Variants in DIRAS1 observed in about 807,000 individuals in gnomAD.
DIRAS1 encodes the protein DIRAS family GTPase 1.
Under a neutral mutation model 11.5 loss-of-function variants are expected in DIRAS1, and 3 were observed. The observed-to-expected ratio is 0.26, with a 90% CI of 0.12 to 0.67. The LOEUF (loss-of-function observed/expected upper bound fraction) is 0.67. Ranked by LOEUF, DIRAS1 falls within the 30% of genes least tolerant of loss-of-function variation. DIRAS1 has a pLI of 0.80. For missense variants in DIRAS1, 212 were observed against 285.3 expected (o/e 0.74, Z 1.85); for synonymous variants, 128 against 125.8 (o/e 1.02, Z -0.12).
chr19:2,719,707 C>T (rs932513172), intron 1 of DIRAS1, among the ~76,000 whole-genome samples: 1 of 151,722 alleles, frequency 6.6e-6, no homozygotes, highest in Non-Finnish European at 1.5e-5. Context: ...AGAGGTTCCC[C>T]GGGGGTCAGT....
chr19:2,717,943 G>T, intron 1 of DIRAS1, 68 bp from the exon 2 acceptor site: 1 of 890,320 alleles, frequency 1.1e-6, no homozygotes, highest in Non-Finnish European at 1.7e-6. Context: ...ACGCCCCGGG[G>T]AGGGAGGAGG....
rs1431140990 is a variant in DIRAS1, at chr19:2,717,293, T to C, written c.514A>G (p.Asn172Asp). 3 of 1,612,470 alleles carry C rather than the reference T, an allele frequency of 1.9e-6. No homozygotes were observed. The highest frequency in any genetic ancestry group is 2.2e-5 in the East Asian group (1 of 44,844). ...QELLTLETRR[N>D]MSLNIDGKRS... ...TTGCCGTCGATGTTGAGGCTCATGT[T>C]CCGGCGCGTCTCCAGCGTCAGCAGC... is the stretch of plus-strand genomic sequence containing the variant. The change falls in exon 2 of 2, where the codon AAC becomes GAC. Residue 172 changes from asparagine to aspartate, a missense_variant. Around this residue, in one of 2 missense-constraint regions of DIRAS1, gnomAD observed 84 missense variants for 79.9 expected, o/e 1.05. Transcript: ENST00000323469.
Position 2,715,385 on chromosome 19 carries a change from T to A in DIRAS1, c.*1825A>T, listed in dbSNP as rs1913765053. ...TTAGCTGCCATGCTCCGAGCCCCGC[T>A]GTGGAGAGACCCACATGGTACAGAA... On this transcript the variant is annotated 3_prime_UTR_variant, in exon 2 of 2. Transcript: ENST00000323469. The A allele has an allele frequency of 6.6e-6, 1 of 152,238 alleles. No homozygotes were observed. Among genetic ancestry groups the A allele is most frequent in the Non-Finnish European group, 1.5e-5 (1 of 68,072 alleles). The allele number at this position is 152,238 out of a possible 1,614,324, so 9.4% of individuals were successfully genotyped here. A position where few individuals can be genotyped will look rare whatever the true frequency, so the allele number is the denominator to read the frequency against.
intron 1 of DIRAS1, among the ~76,000 whole-genome samples, chr19:2,720,201 G>T (rs1464041638): frequency 6.6e-6 from 1 of 152,154 alleles, no homozygotes; most frequent in South Asian, 2.1e-4. Context: ...CTGAGAGGCG[G>T]GCACGCTGCT....
rs770894433 is a variant in DIRAS1 at position 2,718,506 on chromosome 19, T to C, written c.-69-631A>G. Among the ~76,000 whole-genome samples, 1 of 152,124 alleles carries C rather than the reference T, an allele frequency of 6.6e-6. No individual in the cohort carries two copies. The highest frequency in any genetic ancestry group is 2.4e-5 in the African/African-American group (1 of 41,438). ...CCAGGGCAACGGCCCTGGGAACTCG[T>C]ATTTTATTTTATTCTTCTTATTTAT... On this transcript the variant is annotated intron_variant, in intron 1 of 1. Transcript: ENST00000323469. This position sits in a 1 kb window ranked among gnomAD's most constrained non-coding sequence, Gnocchi z 4.2.
rs778199016 is a variant in DIRAS1 at position 2,717,170 on chromosome 19, G to T, written c.*40C>A. The stretch of plus-strand genomic sequence containing the variant: ...GTCGGTGTTGGGGGAGGCAGCGGGG[G>T]TCAGTGGGGGTGGGCGGCGGGCAGG... On this transcript the variant is annotated 3_prime_UTR_variant, in exon 2 of 2. Transcript: ENST00000323469. 4.1e-5 allele frequency: 63 copies of T among 1,523,918 alleles called. No homozygotes were observed. Among genetic ancestry groups the T allele is most frequent in the Non-Finnish European group, 4.9e-5 (56 of 1,135,740 alleles). The allele number at this position is 1,523,918 out of a possible 1,614,324, so 94.4% of individuals were successfully genotyped here.
Position 2,717,355 on chromosome 19 carries a change from G to T in DIRAS1, c.452C>A (p.Ala151Asp). Residue 151 changes from alanine (A) to aspartate (D), a missense_variant, in exon 2 of 2, where the codon GCC becomes GAC. By Grantham distance (126) the Ala-to-Asp change is moderately radical. Around this residue, in one of 2 missense-constraint regions of DIRAS1, gnomAD observed 84 missense variants for 79.9 expected, o/e 1.05. Coordinates refer to ENST00000323469, the MANE Select transcript of DIRAS1 (RefSeq NM_145173.4). ...EWKCAFMETSAKMNYNVKELF... is the reference protein window; with the variant it reads ...EWKCAFMETSDKMNYNVKELF... The stretch of plus-strand genomic sequence containing the variant: ...CTCCTTGACGTTGTAGTTCATCTTG[G>T]CCGAGGTCTCCATGAAAGCGCACTT... The T allele has an allele frequency of 6.2e-7, 1 of 1,610,402 alleles. No individual in the cohort carries two copies.
rs886947467 is a variant in DIRAS1 at position 2,718,793 on chromosome 19, G to A, written c.-69-918C>T. On this transcript the variant is annotated intron_variant, in intron 1 of 1. Transcript: ENST00000323469. The surrounding 1 kb of genome is among the most constrained non-coding windows in gnomAD (Gnocchi z 4.2). ...ACCCACCTCGGCCTCCCAAAGTGCT[G>A]GGGTTACAGGCGTGAGCCACTGCAC... Among the ~76,000 whole-genome samples the A allele has an allele frequency of 5.3e-5, 8 of 151,994 alleles. No homozygotes were observed. The highest frequency in any genetic ancestry group is 1.7e-4 in the African/African-American group (7 of 41,356).
chr19:2,720,573 C>T (rs2144684424), intron 1 of DIRAS1, among the ~76,000 whole-genome samples: 1 of 152,350 alleles, frequency 6.6e-6, no homozygotes, highest in South Asian at 2.1e-4. Context: ...CTGTGCGGGG[C>T]AGCCCACCCC....
intron 1 of DIRAS1, among the ~76,000 whole-genome samples, chr19:2,720,387 C>T (rs1009032650): frequency 2.6e-5 from 4 of 152,212 alleles, no homozygotes; most frequent in African/African-American, 9.6e-5. Flanking sequence ...TCAACAGCCC[C>T]GAAGCCCACG....
rs926714708 is a variant in DIRAS1, at chr19:2,716,901, A to G, written c.*309T>C. ...AGCCTCCTCTGGTCCTGGTGGGAACAAGCAGCTCCTCTTGCCAGCTCCCCA... is the reference window on the plus strand; with the variant it reads ...AGCCTCCTCTGGTCCTGGTGGGAACGAGCAGCTCCTCTTGCCAGCTCCCCA... On this transcript the variant is annotated 3_prime_UTR_variant, in exon 2 of 2. Transcript: ENST00000323469. The G allele has an allele frequency of 1.1e-5, 4 of 362,716 alleles. No homozygotes were observed. The highest frequency in any genetic ancestry group is 1.5e-5 in the Non-Finnish European group (3 of 201,144). The allele number at this position is 362,716 out of a possible 1,614,324, so 22.5% of individuals were successfully genotyped here.
chr19:2,719,682 T>G, intron 1 of DIRAS1, among the ~76,000 whole-genome samples: 1 of 150,884 alleles, frequency 6.6e-6, no homozygotes, highest in Admixed American at 6.6e-5. Context: ...GGGGGTGTGT[T>G]TATGGGGAGG....
Position 2,718,054 on chromosome 19 carries a change from G to A in DIRAS1, c.-69-179C>T, listed in dbSNP as rs1913869809. 5 of 567,578 alleles carry A rather than the reference G, an allele frequency of 8.8e-6. No individual in the cohort carries two copies. The highest frequency in any genetic ancestry group is 8.5e-5 in the East Asian group (3 of 35,308). 35.2% of individuals were successfully genotyped at this position (567,578 alleles called of 1,614,324 possible). ...TTGCAGTTCTGTCCCACAGGCGGGCGCACAGCCAACACCCTTTGCTTACTT... is the reference window on the plus strand; with the variant it reads ...TTGCAGTTCTGTCCCACAGGCGGGCACACAGCCAACACCCTTTGCTTACTT... On this transcript the variant is annotated intron_variant, in intron 1 of 1. Coordinates refer to ENST00000323469, the MANE Select transcript of DIRAS1 (RefSeq NM_145173.4). This position sits in a 1 kb window ranked among gnomAD's most constrained non-coding sequence, Gnocchi z 4.2.
Position 2,717,673 on chromosome 19 carries a change from C to A in DIRAS1, c.134G>T (p.Arg45Leu), listed in dbSNP as rs1435065344. 1.2e-6 allele frequency: 2 copies of A among 1,612,692 alleles called. No homozygotes were observed. The highest frequency in any genetic ancestry group is 4.5e-5 in the East Asian group (2 of 44,890). Residue 45 changes from arginine (R) to leucine (L), a missense_variant, in exon 2 of 2, where the codon CGG becomes CTG. Physicochemically the swap from Arg to Leu is moderately radical, Grantham distance 102. Around this residue, in one of 2 missense-constraint regions of DIRAS1, gnomAD observed 128 missense variants for 205.3 expected, o/e 0.62. Coordinates refer to ENST00000323469, the MANE Select transcript of DIRAS1 (RefSeq NM_145173.4). ...TYIPTIEDTY[R>L]QVISCDKSVC... is the part of the protein sequence containing the mutation. ...GCTCTTGTCGCAGCTGATCACCTGC[C>A]GGTAGGTGTCCTCGATGGTGGGGAT...
Position 2,721,117 on chromosome 19 carries a change from G to T in DIRAS1, c.-70+187C>A, listed in dbSNP as rs976110954. On this transcript the variant is annotated intron_variant, in intron 1 of 1. Transcript: ENST00000323469. Reference sequence around the variant, plus strand: ...GCCGGGAGCTGTCCAAGGTGAGCGCGGAGGGGCCGGCCGGGCCCGGCGGGA... The same window carrying T: ...GCCGGGAGCTGTCCAAGGTGAGCGCTGAGGGGCCGGCCGGGCCCGGCGGGA... Among the ~76,000 whole-genome samples the T allele has an allele frequency of 2.0e-5, 3 of 147,958 alleles. No homozygotes were observed. In the East Asian group the frequency reaches 6.0e-4, roughly 29 times the overall value.
At chr19:2,719,014 T>G (rs1187957444) in intron 1 of DIRAS1, 1 of 151,990 alleles carries the variant, frequency 6.6e-6, no homozygotes, top group Non-Finnish European at 1.5e-5. Context: ...AGAGACGGGG[T>G]TTCGCCATGT....
In DIRAS1 at chr19:2,714,770, G is replaced by A. The variant is rs149370256; in HGVS notation, c.*2440C>T. ...ATGGGCCAGCAGCCAGGACAGGCTCGGGTCCCCTCCTATTGCAGATGCCCT... is the reference window on the plus strand; with the variant it reads ...ATGGGCCAGCAGCCAGGACAGGCTCAGGTCCCCTCCTATTGCAGATGCCCT... On this transcript the variant is annotated 3_prime_UTR_variant, in exon 2 of 2. Transcript: ENST00000323469. The A allele has an allele frequency of 3.8e-3, 582 of 152,860 alleles. 1 individual carries two copies. The highest frequency in any genetic ancestry group is 0.01 in the Middle Eastern group (3 of 294). The allele number at this position is 152,860 out of a possible 1,614,324, so 9.5% of individuals were successfully genotyped here.
At chr19:2,719,085 T>G (rs938850254) in intron 1 of DIRAS1, 1 of 152,276 alleles carries the variant, frequency 6.6e-6, no homozygotes, top group Non-Finnish European at 1.5e-5. Context: ...GCTCCCAAAG[T>G]GCTGGGATTC....
chr19:2,717,403 G>C lies in DIRAS1; in HGVS notation c.404C>G (p.Ala135Gly). Residue 135 changes from alanine (A) to glycine (G), a missense_variant, in exon 2 of 2, where the codon GCG becomes GGG. Physicochemically the swap from Ala to Gly is moderately conservative, Grantham distance 60. Around this residue, in one of 2 missense-constraint regions of DIRAS1, gnomAD observed 128 missense variants for 205.3 expected, o/e 0.62. Coordinates refer to ENST00000323469, the MANE Select transcript of DIRAS1 (RefSeq NM_145173.4). ...CTTCCACTCCTGGGCCACCGCCTGC[G>C]CCTCGCGCGTGTCCACCTCCCGCTG... ...ETQREVDTRE[A>G]QAVAQEWKCA... is the part of the protein sequence containing the mutation. 1.9e-6 allele frequency: 3 copies of C among 1,607,574 alleles called. No individual in the cohort carries two copies. The highest frequency in any genetic ancestry group is 2.5e-6 in the Non-Finnish European group (3 of 1,179,982).
Sources: allele counts gnomAD v4.1 joint callset (sites outside exome capture counted in the v4.1 genomes callset), GRCh38; gene constraint gnomAD v4.1.1; regional missense constraint gnomAD v4.1.1; non-coding constraint Gnocchi (gnomAD v3.1); transcripts MANE v1.5; gene names NCBI Gene and HGNC (gene_info 2026-07-23, HGNC 2026-07-21).